ASTN2: variants seen among roughly 807,000 people sequenced by gnomAD.
ASTN2 encodes the protein astrotactin-2.
A neutral mutation model predicts 139.8 loss-of-function variants in ASTN2; 54 were observed. The ratio of observed to expected loss-of-function variants is 0.39; its 90% CI spans 0.31 to 0.48. The LOEUF (loss-of-function observed/expected upper bound fraction) is 0.48. ASTN2 is among the 20% of genes least tolerant of loss of function. The pLI is 0.95. For synonymous variants in ASTN2, 756 were observed against 719.5 expected (o/e 1.05, Z -0.81); for missense variants, 1,565 against 1,725.1 (o/e 0.91, Z 1.64).
At chr9:117,181,171 A>G in intron 3 of ASTN2, 1 of 697,692 alleles carries the variant, frequency 1.4e-6, no homozygotes, top group Non-Finnish European at 2.6e-6. Flanking sequence ...CCCATGAGGA[A>G]AGGAACCCAG....
chr9:117,048,941 C>A (rs571445073), intron 5 of ASTN2, among the ~76,000 whole-genome samples: 1 of 129,056 alleles, frequency 7.7e-6, no homozygotes, highest in African/African-American at 2.7e-5. Flanking sequence ...AGAATCTGTG[C>A]GCTCTGATTC....
intron 19 of ASTN2, among the ~76,000 whole-genome samples, chr9:116,521,462 G>C (rs72759976): frequency 6.6e-6 from 1 of 152,122 alleles, no homozygotes; most frequent in East Asian, 1.9e-4. Context: ...GATGAAACTA[G>C]ATCTTCATCT....
intron 6 of ASTN2, among the ~76,000 whole-genome samples, chr9:117,036,542 T>A (rs1282379428): frequency 6.6e-6 from 1 of 151,980 alleles, no homozygotes; most frequent in Non-Finnish European, 1.5e-5. Flanking sequence ...GAACCTACAC[T>A]CCAATCATCT....
intron 13 of ASTN2, among the ~76,000 whole-genome samples, chr9:116,773,294 G>T (rs1183137461): frequency 6.6e-6 from 1 of 152,032 alleles, no homozygotes; most frequent in East Asian, 1.9e-4. Flanking sequence ...TGCCCAAGGG[G>T]GTCTGTATGA....
chr9:116,910,205 T>G (rs1011948371), intron 10 of ASTN2, among the ~76,000 whole-genome samples: 2 of 151,786 alleles, frequency 1.3e-5, no homozygotes, highest in Non-Finnish European at 2.9e-5. Flanking sequence ...AGGCATAGAA[T>G]TGAATATTTA....
chr9:116,992,148 T>C (rs756740833), intron 7 of ASTN2, among the ~76,000 whole-genome samples: 50 of 152,190 alleles, frequency 3.3e-4, no homozygotes, highest in Non-Finnish European at 5.9e-5. Flanking sequence ...GGATAAAATA[T>C]TTTGACTGCT....
In ASTN2 at chr9:116,706,350, C is replaced by T. The variant is rs539337889; in HGVS notation, c.2806+19421G>A. On this transcript the variant is annotated intron_variant, in intron 16 of 22. Transcript: ENST00000313400. Reference sequence around the variant, plus strand: ...GGCTGAGTTTTTAAAACCTATTATTCCCCCTTCCGCCCCATATCTGGACAT... The same window carrying T: ...GGCTGAGTTTTTAAAACCTATTATTTCCCCTTCCGCCCCATATCTGGACAT... 1.2e-4 allele frequency among the ~76,000 whole-genome samples: 18 copies of T among 152,146 alleles called. No individual in the cohort carries two copies. In the South Asian group the frequency reaches 3.7e-3, roughly 32 times the overall value.
At chr9:116,684,635 C>A (rs1860086975) in intron 16 of ASTN2, among the ~76,000 whole-genome samples, 1 of 152,160 alleles carries the variant, frequency 6.6e-6, no homozygotes, top group South Asian at 2.1e-4. Flanking sequence ...CCCAGCCAGA[C>A]CTGCATGAGT....
chr9:117,412,013 C>G (rs1831178155), intron 1 of ASTN2, among the ~76,000 whole-genome samples: 1 of 150,304 alleles, frequency 6.7e-6, no homozygotes, highest in African/African-American at 2.5e-5. Context: ...CCCCTCCCCC[C>G]CCCAACCCCC....
chr9:116,566,561 T>C (rs1203714168), intron 19 of ASTN2, among the ~76,000 whole-genome samples: 1 of 152,218 alleles, frequency 6.6e-6, no homozygotes, highest in African/African-American at 2.4e-5. Flanking sequence ...AAGGTATATG[T>C]AGTGACCTGG....
chr9:117,197,581 G>A lies in ASTN2; in HGVS notation c.1015+16777C>T, dbSNP rs145719335. On this transcript the variant is annotated intron_variant, in intron 3 of 22. Coordinates refer to ENST00000313400, the MANE Select transcript of ASTN2 (RefSeq NM_001365068.1). ...CATTAATATATATGTAGGTGCAAGTGTGTGTGTGTATACACAATTATATAC... is the reference window on the plus strand; with the variant it reads ...CATTAATATATATGTAGGTGCAAGTATGTGTGTGTATACACAATTATATAC... Among the ~76,000 whole-genome samples, 3 of 152,196 alleles carry A rather than the reference G, an allele frequency of 2.0e-5. No individual in the cohort carries two copies. The East Asian group carries it at 5.8e-4, about 29-fold the overall frequency.
At chr9:116,470,599 T>C (rs183762137) in intron 20 of ASTN2, among the ~76,000 whole-genome samples, 156 of 152,320 alleles carry the variant, frequency 1.0e-3, no homozygotes, top group East Asian at 5.2e-3. Flanking sequence ...GCCTGGTATA[T>C]TGAAAGCACT....
intron 17 of ASTN2, among the ~76,000 whole-genome samples, chr9:116,623,081 G>C (rs530830310): frequency 1.3e-5 from 2 of 152,196 alleles, no homozygotes; most frequent in East Asian, 1.9e-4. Flanking sequence ...CCAGGGCCAT[G>C]GGTGAAAGTG....
chr9:117,018,225 A>G (rs896788579), intron 6 of ASTN2, among the ~76,000 whole-genome samples: 4 of 152,166 alleles, frequency 2.6e-5, no homozygotes, highest in Non-Finnish European at 4.4e-5. Flanking sequence ...AAATTAACAA[A>G]TGAATGAGTG....
In ASTN2 at chr9:116,816,221, T is replaced by C. The variant is rs142644141; in HGVS notation, c.2207+4396A>G. ...GTGCATGGTAGACTCTGTAAACACA[T>C]ACACACACACAAAACAGACAAACTT... On this transcript the variant is annotated intron_variant, in intron 12 of 22. Coordinates refer to ENST00000313400, the MANE Select transcript of ASTN2 (RefSeq NM_001365068.1). Among the ~76,000 whole-genome samples the C allele has an allele frequency of 1.6e-4, 25 of 152,240 alleles. 1 individual carries two copies. The East Asian group carries it at 3.5e-3, about 21-fold the overall frequency.
intron 17 of ASTN2, among the ~76,000 whole-genome samples, chr9:116,637,491 T>C (rs1857130379): frequency 6.6e-6 from 1 of 152,222 alleles, no homozygotes; most frequent in South Asian, 2.1e-4. Context: ...CAGTATTTTT[T>C]TGAGACAAAA....
At chr9:116,559,616 C>T (rs1367473011) in intron 19 of ASTN2, among the ~76,000 whole-genome samples, 1 of 152,030 alleles carries the variant, frequency 6.6e-6, no homozygotes, top group Non-Finnish European at 1.5e-5. Context: ...CACTGCAGTG[C>T]CTTTCTAAAA....
intron 5 of ASTN2, among the ~76,000 whole-genome samples, chr9:117,071,419 TCAGA>T (rs1160870115): frequency 6.6e-6 from 1 of 151,494 alleles, no homozygotes; most frequent in African/African-American, 2.4e-5. Context: ...TTCAAAGCTG[TCAGA>T]CAGGGACATT....
chr9:116,839,172 CT>C (rs1480810746), intron 11 of ASTN2, among the ~76,000 whole-genome samples: 1 of 152,102 alleles, frequency 6.6e-6, no homozygotes, highest in Non-Finnish European at 1.5e-5. Flanking sequence ...CAGACAAGGT[CT>C]TACTCTGTCA....
Sources: allele counts gnomAD v4.1 joint callset (sites outside exome capture counted in the v4.1 genomes callset), GRCh38; gene constraint gnomAD v4.1.1; transcripts MANE v1.5; gene names NCBI Gene and HGNC (gene_info 2026-07-23, HGNC 2026-07-21).